Variants in PLPPR1 observed in about 807,000 individuals in gnomAD.
The protein encoded by PLPPR1 is phospholipid phosphatase-related protein type 1.
In PLPPR1, 10 loss-of-function variants were observed where a neutral mutation model predicts 33.1. The observed-to-expected ratio is 0.30, with a 90% CI of 0.19 to 0.51. PLPPR1 has a LOEUF of 0.51. PLPPR1 is among the 20% of genes least tolerant of loss of function. The probability of loss-of-function intolerance (pLI) is 0.97; values close to 1 mark genes in which losing one functional copy is unlikely to be tolerated. For synonymous variants in PLPPR1, 151 were observed against 151.0 expected, an observed-to-expected ratio of 1.00 and a Z score of 0.00; for missense variants, 304 against 408.1, an observed-to-expected ratio of 0.74 and a Z score of 2.20.
At chr9:101,310,880 A>G (rs1033234909) in intron 5 of PLPPR1, among the ~76,000 whole-genome samples, 3 of 152,236 alleles carry the variant, frequency 2.0e-5, no homozygotes, top group Non-Finnish European at 4.4e-5. Context: ...AAGGATGCAA[A>G]TAACACAGAA....
intron 1 of PLPPR1, among the ~76,000 whole-genome samples, chr9:101,180,147 C>CAT (rs1826082457): frequency 1.0e-4 from 4 of 39,870 alleles, no homozygotes; most frequent in Admixed American, 7.7e-4. Flanking sequence ...TATATATACA[C>CAT]ACACACACAC....
intron 1 of PLPPR1, among the ~76,000 whole-genome samples, chr9:101,171,878 A>G (rs1251703887): frequency 6.6e-6 from 1 of 152,186 alleles, no homozygotes; most frequent in Non-Finnish European, 1.5e-5. Flanking sequence ...CACTGAGGAA[A>G]CGAATGCCTA....
intron 1 of PLPPR1, among the ~76,000 whole-genome samples, chr9:101,067,670 T>C (rs1830435078): frequency 6.6e-6 from 1 of 152,040 alleles, no homozygotes; most frequent in Admixed American, 6.6e-5. Flanking sequence ...TAAAAAGTCT[T>C]CCCTGGACTT....
In PLPPR1 at chr9:101,093,893, C is replaced by T. The variant is rs28628276; in HGVS notation, c.-46+64791C>T. 5.4e-3 allele frequency among the ~76,000 whole-genome samples: 818 copies of T among 152,268 alleles called. 11 individuals are homozygous for T. Among genetic ancestry groups the T allele is most frequent in the African/African-American group, 0.018 (767 of 41,548 alleles). ...CTCCAATGCAACATTTGATTTGTAACTTGCAGTTTTTCTGAAAGTGTGATA... is the reference window on the plus strand; with the variant it reads ...CTCCAATGCAACATTTGATTTGTAATTTGCAGTTTTTCTGAAAGTGTGATA... On this transcript the variant is annotated intron_variant, in intron 1 of 7. Coordinates refer to ENST00000374874, the MANE Select transcript of PLPPR1 (RefSeq NM_207299.2).
chr9:101,093,470 C>T (rs10819895), intron 1 of PLPPR1, among the ~76,000 whole-genome samples: 8,131 of 152,240 alleles, frequency 0.053, 391 homozygotes, highest in African/African-American at 0.12. Flanking sequence ...ATATTTTGGT[C>T]ATGGGAGCTA....
intron 1 of PLPPR1, among the ~76,000 whole-genome samples, chr9:101,037,039 A>G (rs1830018858): frequency 1.3e-5 from 2 of 152,040 alleles, no homozygotes. Context: ...ATCACCCCAT[A>G]ACCTTCTTGC....
rs553324474 is a variant in PLPPR1 at position 101,316,616 on chromosome 9, C to CAAAAA, written c.814-741_814-737dup. Among the ~76,000 whole-genome samples the CAAAAA allele has an allele frequency of 3.1e-3, 254 of 82,576 alleles. 22 individuals carry two copies. Among genetic ancestry groups the CAAAAA allele is most frequent in the African/African-American group, 0.013 (217 of 17,240 alleles). The allele number at this position is 82,576 out of a possible 152,430, so 54.2% of individuals were successfully genotyped here. A position where few individuals can be genotyped will look rare whatever the true frequency, so the allele number is the denominator to read the frequency against. ...AGGGAAAAGGAGGGTTCTTCTTGGGCAAAAAAAAAAAAGCAGGGAAGATGG... is the reference window on the plus strand; with the variant it reads ...AGGGAAAAGGAGGGTTCTTCTTGGGCAAAAAAAAAAAAAAAAAGCAGGGAAGATGG... On this transcript the variant is annotated intron_variant, in intron 6 of 7. Transcript: ENST00000374874.
At chr9:101,301,415 T>C (rs2118941900) in intron 4 of PLPPR1, among the ~76,000 whole-genome samples, 1 of 152,342 alleles carries the variant, frequency 6.6e-6, no homozygotes, top group East Asian at 1.9e-4. Context: ...AAAGTGTTTT[T>C]ACAACTGTTT....
intron 2 of PLPPR1, among the ~76,000 whole-genome samples, chr9:101,242,575 TTA>T (rs1467516235): frequency 6.6e-6 from 1 of 152,160 alleles, no homozygotes; most frequent in East Asian, 1.9e-4. Context: ...GTTTTTCAGT[TTA>T]TATCTGCCTT....
intron 1 of PLPPR1, among the ~76,000 whole-genome samples, chr9:101,078,597 G>A (rs1830579084): frequency 6.6e-6 from 1 of 151,840 alleles, no homozygotes; most frequent in Admixed American, 6.6e-5. Flanking sequence ...GAGGGCTAAG[G>A]CAGGAGAATC....
intron 1 of PLPPR1, among the ~76,000 whole-genome samples, chr9:101,129,700 G>A (rs56926938): frequency 0.018 from 2,757 of 152,122 alleles, 76 homozygotes; most frequent in African/African-American, 0.064. Flanking sequence ...GTGTGGTGGC[G>A]GGCGCCTGTA....
chr9:101,173,039 C>A (rs1012108892), intron 1 of PLPPR1, among the ~76,000 whole-genome samples: 4 of 152,028 alleles, frequency 2.6e-5, no homozygotes, highest in African/African-American at 9.7e-5. Flanking sequence ...TTAAGATTGT[C>A]TTCAGTGCTC....
intron 2 of PLPPR1, among the ~76,000 whole-genome samples, chr9:101,193,206 C>T (rs138883712): frequency 6.6e-6 from 1 of 152,270 alleles, no homozygotes; most frequent in African/African-American, 2.4e-5. Flanking sequence ...AAATACTGCT[C>T]TCACAGAAAT....
intron 2 of PLPPR1, among the ~76,000 whole-genome samples, chr9:101,223,148 CA>C (rs869205435): frequency 0.026 from 627 of 23,710 alleles, 1 homozygote; most frequent in African/African-American, 0.076. Flanking sequence ...CCCATCTCTA[CA>C]AAAAAAAAAA....
intron 2 of PLPPR1, among the ~76,000 whole-genome samples, chr9:101,234,580 G>A (rs370226227): frequency 3.2e-4 from 49 of 151,356 alleles, no homozygotes; most frequent in Admixed American, 9.9e-4. Context: ...ATTCTATACC[G>A]TAATGCTATA....
chr9:101,134,947 G>A (rs181685057), intron 1 of PLPPR1, among the ~76,000 whole-genome samples: 15 of 152,164 alleles, frequency 9.9e-5, no homozygotes, highest in Non-Finnish European at 1.9e-4. Flanking sequence ...GCAGAGAGTC[G>A]AGCTTATGGC....
intron 5 of PLPPR1, 118 bp downstream of exon 5, chr9:101,309,579 A>G: frequency 9.0e-7 from 1 of 1,106,492 alleles, no homozygotes; most frequent in Non-Finnish European, 1.3e-6. Flanking sequence ...TGTATGGCAT[A>G]TTTCTCTACA....
intron 1 of PLPPR1, among the ~76,000 whole-genome samples, chr9:101,090,763 A>T (rs1259917977): frequency 1.3e-5 from 2 of 151,968 alleles, no homozygotes; most frequent in African/African-American, 4.8e-5. Flanking sequence ...ACAGTAATGC[A>T]TTATTGGGAC....
At chr9:101,211,412 A>G (rs773548794) in intron 2 of PLPPR1, among the ~76,000 whole-genome samples, 4 of 152,238 alleles carry the variant, frequency 2.6e-5, no homozygotes, top group African/African-American at 4.8e-5. Context: ...TGAAACATTT[A>G]CCTGTCTTAT....
Sources: allele counts gnomAD v4.1 joint callset (sites outside exome capture counted in the v4.1 genomes callset), GRCh38; gene constraint gnomAD v4.1.1; transcripts MANE v1.5; gene names NCBI Gene and HGNC (gene_info 2026-07-23, HGNC 2026-07-21).